Variants in MERTK observed in about 807,000 individuals in gnomAD.
MERTK encodes tyrosine-protein kinase Mer.
Under a neutral mutation model 99.3 loss-of-function variants are expected in MERTK, and 69 were observed. That is an observed-to-expected ratio of 0.70 (90% CI 0.57 to 0.85). MERTK has a LOEUF of 0.85. Among genes scored for constraint, MERTK ranks in the 40% least tolerant of loss-of-function variants. The pLI, the probability that MERTK is intolerant of heterozygous loss-of-function variation, is 0.00. For synonymous variants in MERTK, 426 were observed against 467.6 expected (o/e 0.91, Z 1.15); for missense variants, 1,125 against 1,249.4 (o/e 0.90, Z 1.50).
At chr2:111,938,426 T>C (rs1436906377) in intron 2 of MERTK, among the ~76,000 whole-genome samples, 1 of 152,232 alleles carries the variant, frequency 6.6e-6, no homozygotes, top group African/African-American at 2.4e-5. Context: ...CATACAATAT[T>C]TGTCCTTTTT....
intron 2 of MERTK, among the ~76,000 whole-genome samples, chr2:111,941,415 G>A (rs578117632): frequency 2.0e-5 from 3 of 152,220 alleles, no homozygotes; most frequent in South Asian, 2.1e-4. Context: ...CCGGGGGCCC[G>A]GTTAGGAAAC....
At chr2:112,007,112 A>G (rs1264894337) in intron 13 of MERTK, among the ~76,000 whole-genome samples, 1 of 152,176 alleles carries the variant, frequency 6.6e-6, no homozygotes, top group Non-Finnish European at 1.5e-5. Context: ...AACCATATTC[A>G]TAATGTTATA....
chr2:111,995,756 C>G (rs1676722442), intron 9 of MERTK, among the ~76,000 whole-genome samples: 1 of 152,132 alleles, frequency 6.6e-6, no homozygotes, highest in Non-Finnish European at 1.5e-5. Context: ...TCAAGACCAG[C>G]CTAGCCAACA....
intron 3 of MERTK, among the ~76,000 whole-genome samples, chr2:111,946,305 A>G (rs534765586): frequency 1.3e-5 from 2 of 152,346 alleles, no homozygotes; most frequent in East Asian, 3.9e-4. Flanking sequence ...TGCCCAGAGC[A>G]GGAACATATT....
chr2:112,019,547 A>G, intron 16 of MERTK, 25 bp downstream of exon 16: 1 of 1,552,618 alleles, frequency 6.4e-7, no homozygotes, highest in Non-Finnish European at 8.9e-7. Flanking sequence ...CTATCCTGGA[A>G]GGGTTTGGAC....
intron 5 of MERTK, among the ~76,000 whole-genome samples, chr2:111,967,212 G>GTTGTA (rs1247281675): frequency 6.6e-6 from 1 of 152,158 alleles, no homozygotes; most frequent in Non-Finnish European, 1.5e-5. Context: ...TCAAGTCCCT[G>GTTGTA]TTGTACTGCT....
intron 1 of MERTK, among the ~76,000 whole-genome samples, chr2:111,925,292 ATT>A (rs11433691): frequency 5.3e-4 from 13 of 24,468 alleles, no homozygotes; most frequent in South Asian, 2.2e-3. Context: ...ATATATATAT[ATT>A]TTTTTTTTTT....
At position 111,975,441 on chromosome 2, in the gene MERTK, C is replaced by T. The variant is rs1676227528; in HGVS notation, c.1113C>T (p.Ser371=). The T allele has an allele frequency of 3.7e-6, 6 of 1,614,106 alleles. No individual in the cohort carries two copies. Among genetic ancestry groups the T allele is most frequent in the Middle Eastern group, 1.6e-4 (1 of 6,062 alleles). The change falls in exon 7 of 19, where the codon AGC becomes AGT. Residue 371 remains serine, a synonymous_variant. Transcript: ENST00000295408. ...ATGAAATAGGCTGGTCTGCAGTGAG[C>T]CCTTGGATTCTAGCCAGCACGACTG... ...CMNEIGWSAV[S]PWILASTTEG...
At chr2:112,009,905 T>C in intron 14 of MERTK, 43 bp from the exon 15 acceptor site, 1 of 1,453,866 alleles carries the variant, frequency 6.9e-7, no homozygotes, top group Admixed American at 1.7e-5. Flanking sequence ...CTGGTCACAG[T>C]AACAAGGACT....
At chr2:111,973,407 C>G (rs1676163721) in intron 6 of MERTK, among the ~76,000 whole-genome samples, 1 of 151,950 alleles carries the variant, frequency 6.6e-6, no homozygotes, top group African/African-American at 2.4e-5. Context: ...GCTCCTCAGG[C>G]CAAATGATAC....
chr2:111,916,222 G>GT (rs1396706212), intron 1 of MERTK, among the ~76,000 whole-genome samples: 11 of 152,218 alleles, frequency 7.2e-5, no homozygotes, highest in African/African-American at 2.6e-4. Flanking sequence ...CGCCTCCCGG[G>GT]TTCAAGCAAT....
chr2:111,982,132 T>A lies in MERTK; in HGVS notation c.1145-710T>A, dbSNP rs555860228. 2.0e-5 allele frequency among the ~76,000 whole-genome samples: 3 copies of A among 151,906 alleles called. No homozygotes were observed. The South Asian group carries it at 6.3e-4, about 32-fold the overall frequency. ...TAGAGTGCAGTGGTGCAATTACGGC[T>A]CACTGTGGCCTTGACTTTCCAGGGT... On this transcript the variant is annotated intron_variant, in intron 7 of 18. Coordinates refer to ENST00000295408, the MANE Select transcript of MERTK (RefSeq NM_006343.3).
chr2:111,973,454 A>G (rs1676164545), intron 6 of MERTK, among the ~76,000 whole-genome samples: 1 of 151,338 alleles, frequency 6.6e-6, no homozygotes, highest in Non-Finnish European at 1.5e-5. Flanking sequence ...CAGAGGTGAA[A>G]CTCAACCCCC....
intron 4 of MERTK, among the ~76,000 whole-genome samples, chr2:111,963,268 GGGGTTTTATAC>G (rs752931763): frequency 6.7e-6 from 1 of 149,618 alleles, no homozygotes; most frequent in Non-Finnish European, 1.5e-5. Flanking sequence ...AACATACAAT[GGGGTTTTATAC>G]GGAGACATTC....
intron 6 of MERTK, among the ~76,000 whole-genome samples, chr2:111,973,591 C>G (rs930298828): frequency 2.0e-5 from 3 of 152,138 alleles, no homozygotes; most frequent in South Asian, 2.1e-4. Flanking sequence ...CCCAGAACTG[C>G]AAGCCCATTA....
intron 2 of MERTK, among the ~76,000 whole-genome samples, chr2:111,934,943 A>G (rs958503403): frequency 6.6e-6 from 1 of 152,154 alleles, no homozygotes; most frequent in Admixed American, 6.5e-5. Context: ...TAGAGTATCT[A>G]ATGGCCCAGA....
chr2:111,984,353 C>A (rs1006779526), intron 8 of MERTK, among the ~76,000 whole-genome samples: 1 of 152,136 alleles, frequency 6.6e-6, no homozygotes, highest in Non-Finnish European at 1.5e-5. Context: ...TCATGTTGAG[C>A]CACATAGCTG....
intron 7 of MERTK, 62 bp from the exon 8 acceptor site, chr2:111,982,780 A>C (rs1050394005): frequency 2.5e-6 from 4 of 1,583,734 alleles, no homozygotes; most frequent in Non-Finnish European, 3.5e-6. Context: ...GAAAACCCAG[A>C]TGAGAATACA....
intron 1 of MERTK, 137 bp downstream of exon 1, chr2:111,898,933 G>A: frequency 3.2e-6 from 3 of 938,676 alleles, no homozygotes; most frequent in Non-Finnish European, 4.6e-6. Context: ...ACCCACTGCG[G>A]TGCCAGAGGA....
Sources: allele counts gnomAD v4.1 joint callset (sites outside exome capture counted in the v4.1 genomes callset), GRCh38; gene constraint gnomAD v4.1.1; transcripts MANE v1.5; gene names NCBI Gene and HGNC (gene_info 2026-07-23, HGNC 2026-07-21).